Variants in TRAPPC9 observed in about 807,000 individuals in gnomAD.
TRAPPC9 encodes trafficking protein particle complex subunit 9.
TRAPPC9 carries 83 observed loss-of-function variants against 124.0 expected under a neutral mutation model. The observed-to-expected ratio is 0.67, with a 90% confidence interval of 0.56 to 0.80. The LOEUF (loss-of-function observed/expected upper bound fraction) is 0.80. Ranked by LOEUF, TRAPPC9 falls within the 30% of genes least tolerant of loss-of-function variation. The pLI is 0.00. For synonymous variants in TRAPPC9, 638 were observed against 617.5 expected (o/e 1.03, Z -0.49); for missense variants, 1,302 against 1,508.3 (o/e 0.86, Z 2.27).
At chr8:139,953,504 TA>T (rs1834790611) in intron 19 of TRAPPC9, among the ~76,000 whole-genome samples, 1 of 152,030 alleles carries the variant, frequency 6.6e-6, no homozygotes, top group African/African-American at 2.4e-5. Context: ...AAAAAATGTG[TA>T]GAAGTAAACA....
intron 21 of TRAPPC9, among the ~76,000 whole-genome samples, chr8:139,738,476 G>T (rs913827354): frequency 6.6e-5 from 10 of 152,204 alleles, no homozygotes; most frequent in Admixed American, 5.2e-4. Flanking sequence ...AGGCCCAATG[G>T]CGTCAGGAGA....
chr8:140,333,742 A>G (rs2066959355), intron 9 of TRAPPC9, among the ~76,000 whole-genome samples: 1 of 152,248 alleles, frequency 6.6e-6, no homozygotes, highest in Non-Finnish European at 1.5e-5. Flanking sequence ...AAGGTTTTAC[A>G]ACGAAAAATC....
At chr8:139,802,589 C>G (rs1322685144) in intron 21 of TRAPPC9, among the ~76,000 whole-genome samples, 1 of 152,200 alleles carries the variant, frequency 6.6e-6, no homozygotes, top group Non-Finnish European at 1.5e-5. Context: ...GATGAAATAT[C>G]ATAGTGATCG....
rs186930762 is a variant in TRAPPC9, at chr8:139,878,258, G to T, written c.3055+7621C>A. Among the ~76,000 whole-genome samples, 6 of 152,278 alleles carry T rather than the reference G, an allele frequency of 3.9e-5. No homozygotes were observed. In the Middle Eastern group the frequency reaches 0.01, roughly 259 times the overall value. ...TATACTTTTGTCAAGCGTAAAAAGGGACACAGAAGTATAAATACAGTAGGA... is the reference window on the plus strand; with the variant it reads ...TATACTTTTGTCAAGCGTAAAAAGGTACACAGAAGTATAAATACAGTAGGA... On this transcript the variant is annotated intron_variant, in intron 21 of 22. Transcript: ENST00000438773.
At chr8:140,371,314 G>T in intron 7 of TRAPPC9, 134 bp from the exon 8 acceptor site, 2 of 1,011,618 alleles carry the variant, frequency 2.0e-6, no homozygotes, top group Non-Finnish European at 3.0e-6. Context: ...GGGAAAGCCT[G>T]GTGAGCAGCG....
In TRAPPC9 at chr8:140,310,049, T is replaced by C. The variant is rs558432199; in HGVS notation, c.1622+1199A>G. ...CACTTCTCGGGAGCACACAACTCTT[T>C]GGCAAAAAGAAACCATTTCATTTGG... is the stretch of plus-strand genomic sequence containing the variant. On this transcript the variant is annotated intron_variant, in intron 10 of 22. Transcript: ENST00000438773. Among the ~76,000 whole-genome samples, 7 of 152,190 alleles carry C rather than the reference T, an allele frequency of 4.6e-5. No homozygotes were observed. The East Asian group carries it at 7.7e-4, about 17-fold the overall frequency.
rs192086648 is a variant in TRAPPC9 at position 139,821,575 on chromosome 8, G to A, written c.3055+64304C>T. ...AAGGTCCTACCCCAGGGTCCAGACC[G>A]GGCTTCTCCGAAGGATGGGAATGGA... is the stretch of plus-strand genomic sequence containing the variant. On this transcript the variant is annotated intron_variant, in intron 21 of 22. Coordinates refer to ENST00000438773, the MANE Select transcript of TRAPPC9 (RefSeq NM_001160372.4). Among the ~76,000 whole-genome samples the A allele has an allele frequency of 3.3e-3, 504 of 152,358 alleles. 4 individuals are homozygous for A. The highest frequency in any genetic ancestry group is 0.012 in the African/African-American group (488 of 41,588).
At chr8:139,895,062 G>A (rs182443131) in intron 20 of TRAPPC9, among the ~76,000 whole-genome samples, 108 of 152,268 alleles carry the variant, frequency 7.1e-4, no homozygotes, top group African/African-American at 2.3e-3. Flanking sequence ...TCAACCACAC[G>A]TCCCGGGCTA....
At chr8:140,421,539 CT>C (rs1331630618) in intron 5 of TRAPPC9, among the ~76,000 whole-genome samples, 1 of 152,086 alleles carries the variant, frequency 6.6e-6, no homozygotes, top group Non-Finnish European at 1.5e-5. Context: ...TGATTTTTAC[CT>C]TGTGAAACAA....
intron 17 of TRAPPC9, among the ~76,000 whole-genome samples, chr8:140,188,396 G>A (rs991590357): frequency 5.9e-5 from 9 of 152,154 alleles, no homozygotes; most frequent in South Asian, 2.1e-4. Context: ...ATGGGCCCTC[G>A]GATTAAGTAA....
intron 17 of TRAPPC9, among the ~76,000 whole-genome samples, chr8:140,054,098 A>T (rs911658966): frequency 1.3e-5 from 2 of 152,254 alleles, no homozygotes; most frequent in African/African-American, 4.8e-5. Context: ...CTATGTTTTC[A>T]CTTAAAAGTG....
chr8:140,322,009 C>G (rs2066608637), intron 9 of TRAPPC9, among the ~76,000 whole-genome samples: 1 of 152,182 alleles, frequency 6.6e-6, no homozygotes, highest in Non-Finnish European at 1.5e-5. Context: ...TAGGGCCAAG[C>G]AGCAAAGCTT....
chr8:140,230,795 A>G (rs1373872813), intron 16 of TRAPPC9, among the ~76,000 whole-genome samples: 1 of 146,148 alleles, frequency 6.8e-6, no homozygotes, highest in Non-Finnish European at 1.5e-5. Flanking sequence ...AGAAAAAAAA[A>G]GTGGATGAAA....
intron 9 of TRAPPC9, among the ~76,000 whole-genome samples, chr8:140,357,831 C>A (rs1477412425): frequency 6.6e-6 from 1 of 152,158 alleles, no homozygotes; most frequent in Non-Finnish European, 1.5e-5. Flanking sequence ...GCTCACTCTG[C>A]AGGTACAATC....
chr8:139,946,190 A>C (rs577657011), intron 19 of TRAPPC9, among the ~76,000 whole-genome samples: 1 of 152,332 alleles, frequency 6.6e-6, no homozygotes, highest in Non-Finnish European at 1.5e-5. Flanking sequence ...TCGAGGCTCA[A>C]AGACCCTCCT....
chr8:140,139,731 T>G (rs987282768), intron 17 of TRAPPC9, among the ~76,000 whole-genome samples: 1 of 152,120 alleles, frequency 6.6e-6, no homozygotes, highest in Non-Finnish European at 1.5e-5. Context: ...GTATTAGGTT[T>G]GGGACAGCTG....
chr8:139,957,490 AG>A (rs1450530050), intron 19 of TRAPPC9, among the ~76,000 whole-genome samples: 1 of 152,202 alleles, frequency 6.6e-6, no homozygotes, highest in African/African-American at 2.4e-5. Context: ...CTGGGGACCT[AG>A]GTAGGGCACG....
chr8:139,912,979 T>C (rs1831847889), intron 19 of TRAPPC9, among the ~76,000 whole-genome samples: 2 of 152,202 alleles, frequency 1.3e-5, no homozygotes, highest in Admixed American at 6.5e-5. Flanking sequence ...CAAAAGGAAC[T>C]AATAACTTTC....
At chr8:140,265,007 C>T (rs1431769791) in intron 15 of TRAPPC9, among the ~76,000 whole-genome samples, 1 of 152,182 alleles carries the variant, frequency 6.6e-6, no homozygotes, top group Non-Finnish European at 1.5e-5. Flanking sequence ...ACGCCAAAAC[C>T]CGTGTTCTCG....
Sources: allele counts gnomAD v4.1 joint callset (sites outside exome capture counted in the v4.1 genomes callset), GRCh38; gene constraint gnomAD v4.1.1; transcripts MANE v1.5; gene names NCBI Gene and HGNC (gene_info 2026-07-23, HGNC 2026-07-21).